MTHFD1L: variants seen among roughly 807,000 people sequenced by gnomAD.
The protein encoded by MTHFD1L is monofunctional C1-tetrahydrofolate synthase, mitochondrial.
Under a neutral mutation model 119.5 loss-of-function variants are expected in MTHFD1L, and 81 were observed. The ratio of observed to expected loss-of-function variants is 0.68; its 90% confidence interval spans 0.57 to 0.82. The LOEUF is 0.82. Among genes scored for constraint, MTHFD1L ranks in the 40% least tolerant of loss-of-function variants. MTHFD1L has a pLI of 0.00. For missense variants in MTHFD1L, 1,125 were observed against 1,253.4 expected, an observed-to-expected ratio of 0.90 and a Z score of 1.55; for synonymous variants, 430 against 475.2, an observed-to-expected ratio of 0.90 and a Z score of 1.24.
chr6:151,057,668 CT>C (rs1054880587), intron 26 of MTHFD1L, among the ~76,000 whole-genome samples: 1 of 152,164 alleles, frequency 6.6e-6, no homozygotes, highest in African/African-American at 2.4e-5. Context: ...TAGACTCCCC[CT>C]GTCAAAAATA....
intron 4 of MTHFD1L, among the ~76,000 whole-genome samples, chr6:150,879,820 G>A (rs987863303): frequency 6.6e-6 from 1 of 151,704 alleles, no homozygotes; most frequent in Non-Finnish European, 1.5e-5. Context: ...GTAGAGACGG[G>A]GTTTCACCAT....
chr6:151,040,889 GGCTGTCC>G (rs1176540476), intron 26 of MTHFD1L, among the ~76,000 whole-genome samples: 1 of 152,204 alleles, frequency 6.6e-6, no homozygotes, highest in Non-Finnish European at 1.5e-5. Context: ...CTGGACACCA[GGCTGTCC>G]GCTCCTGACG....
At chr6:151,087,115 G>A (rs371492162) in intron 26 of MTHFD1L, among the ~76,000 whole-genome samples, 4 of 152,062 alleles carry the variant, frequency 2.6e-5, no homozygotes, top group Admixed American at 1.3e-4. Context: ...CAGGCATGGC[G>A]GCGGGCACCT....
At chr6:151,052,441 C>T (rs565708560) in intron 26 of MTHFD1L, among the ~76,000 whole-genome samples, 132 of 152,284 alleles carry the variant, frequency 8.7e-4, no homozygotes, top group African/African-American at 3.0e-3. Context: ...AAACAAAGGG[C>T]TCACAGGTGC....
At chr6:151,059,530 G>A (rs1204433757) in intron 26 of MTHFD1L, among the ~76,000 whole-genome samples, 1 of 152,022 alleles carries the variant, frequency 6.6e-6, no homozygotes, top group African/African-American at 2.4e-5. Flanking sequence ...GTTCTTTTTT[G>A]GTGAGAAATG....
chr6:150,951,246 G>C (rs1174253910), intron 16 of MTHFD1L, among the ~76,000 whole-genome samples: 1 of 151,532 alleles, frequency 6.6e-6, no homozygotes, highest in Non-Finnish European at 1.5e-5. Flanking sequence ...TGCCCAGGCT[G>C]GTCTCAAACT....
At chr6:150,898,817 G>A (rs1347115684) in intron 7 of MTHFD1L, 1 of 377,976 alleles carries the variant, frequency 2.6e-6, no homozygotes, top group African/African-American at 2.2e-5. Flanking sequence ...TTTTCCTAAA[G>A]TATAGGGAAG....
At chr6:151,085,846 A>T (rs560909756) in intron 26 of MTHFD1L, among the ~76,000 whole-genome samples, 1 of 151,818 alleles carries the variant, frequency 6.6e-6, no homozygotes, top group African/African-American at 2.4e-5. Context: ...ACAAGCAGGG[A>T]CCAGGTCTTG....
At chr6:151,053,039 A>G (rs1166034111) in intron 26 of MTHFD1L, among the ~76,000 whole-genome samples, 1 of 152,224 alleles carries the variant, frequency 6.6e-6, no homozygotes, top group Non-Finnish European at 1.5e-5. Flanking sequence ...ATTATTTGCT[A>G]CAGATCAAAA....
chr6:150,971,400 T>C (rs1402216268), intron 19 of MTHFD1L, among the ~76,000 whole-genome samples: 1 of 152,088 alleles, frequency 6.6e-6, no homozygotes, highest in Admixed American at 6.6e-5. Context: ...CGGGTTTCAC[T>C]GTTGGCCAGG....
chr6:150,927,075 T>C (rs1429547719), intron 11 of MTHFD1L, among the ~76,000 whole-genome samples: 1 of 152,204 alleles, frequency 6.6e-6, no homozygotes, highest in Non-Finnish European at 1.5e-5. Flanking sequence ...GCAGAGACAT[T>C]TCTTGTAATT....
chr6:151,084,987 ATAT>A (rs1793632046), intron 26 of MTHFD1L, among the ~76,000 whole-genome samples: 123 of 69,178 alleles, frequency 1.8e-3, no homozygotes, highest in East Asian at 4.5e-3. Flanking sequence ...AAAAAAAAAT[ATAT>A]ATATATATAT....
Position 151,038,994 on chromosome 6 carries a change from CAAAG to C in MTHFD1L, c.2847+1883_2847+1886del, listed in dbSNP as rs1786631256. Among the ~76,000 whole-genome samples the C allele has an allele frequency of 3.3e-5, 5 of 152,064 alleles. No individual in the cohort carries two copies. The South Asian group carries it at 1.0e-3, about 32-fold the overall frequency. On this transcript the variant is annotated intron_variant, in intron 26 of 27. Coordinates refer to ENST00000367321, the MANE Select transcript of MTHFD1L (RefSeq NM_015440.5). ...CACTGGAAATACAGACACAGTGCTTCAAAGAAAGAGGCAGGAAGGTCACCCTGGT... is the reference window on the plus strand; with the variant it reads ...CACTGGAAATACAGACACAGTGCTTCAAAGAGGCAGGAAGGTCACCCTGGT...
intron 9 of MTHFD1L, among the ~76,000 whole-genome samples, chr6:150,921,061 C>G (rs1788833882): frequency 6.6e-6 from 1 of 151,434 alleles, no homozygotes; most frequent in Non-Finnish European, 1.5e-5. Flanking sequence ...AAGTGATTCT[C>G]CCGCCTCAGC....
At chr6:151,002,817 C>G (rs1189828518) in intron 20 of MTHFD1L, among the ~76,000 whole-genome samples, 1 of 152,208 alleles carries the variant, frequency 6.6e-6, no homozygotes, top group Non-Finnish European at 1.5e-5. Flanking sequence ...GCGCCAGGCT[C>G]CTTCCTCCTG....
At chr6:150,997,988 G>A (rs1780045017) in intron 20 of MTHFD1L, among the ~76,000 whole-genome samples, 1 of 152,118 alleles carries the variant, frequency 6.6e-6, no homozygotes, top group Non-Finnish European at 1.5e-5. Context: ...AATCACCAGA[G>A]GTAGACTCTG....
intron 26 of MTHFD1L, among the ~76,000 whole-genome samples, chr6:151,091,252 C>CGACTGGGTGCAGCATTGCTCCACGT (rs1562652319): frequency 4.3e-5 from 6 of 139,452 alleles, no homozygotes; most frequent in African/African-American, 1.7e-4. Context: ...TCGTTCCATG[C>CGACTGGGTGCAGCATTGCTCCACGT]GACTGGGTGC....
chr6:150,889,642 C>T (rs879281668), intron 7 of MTHFD1L, among the ~76,000 whole-genome samples: 30 of 152,180 alleles, frequency 2.0e-4, no homozygotes, highest in Admixed American at 5.2e-4. Context: ...GTGAGGAACC[C>T]GAGGTTTAAA....
chr6:151,037,113 G>A lies in MTHFD1L; in HGVS notation c.2843G>A (p.Gly948Glu). ...IGAGFIYPLV[G>E]TMSTMPGLPT... Reference sequence around the variant, plus strand: ...GCTGGGTTCATTTACCCTTTGGTCGGAACGGTGAGTGAGTCACATTTTCCA... The same window carrying A: ...GCTGGGTTCATTTACCCTTTGGTCGAAACGGTGAGTGAGTCACATTTTCCA... The change falls in exon 26 of 28, where the codon GGA (glycine) becomes GAA (glutamate). Residue 948 changes from glycine (G) to glutamate (E), a missense_variant. Gly to Glu is a moderately conservative substitution (Grantham distance 98). Coordinates refer to ENST00000367321, the MANE Select transcript of MTHFD1L (RefSeq NM_015440.5). 1 of 1,611,964 alleles carries A rather than the reference G, an allele frequency of 6.2e-7. No individual in the cohort carries two copies. The highest frequency in any genetic ancestry group is 8.5e-7 in the Non-Finnish European group (1 of 1,179,826).
Sources: gnomAD v4.1 joint callset for allele counts (sites outside exome capture counted in the v4.1 genomes callset) on GRCh38, gnomAD v4.1.1 for gene constraint, MANE v1.5 for transcripts, NCBI Gene and HGNC (gene_info 2026-07-23, HGNC 2026-07-21) for gene names.